Variants in MRPS5 observed in about 807,000 individuals in gnomAD.
MRPS5 encodes small ribosomal subunit protein uS5m.
MRPS5 carries 27 observed loss-of-function variants against 51.9 expected under a neutral mutation model. That is an observed-to-expected ratio of 0.52 (90% CI 0.38 to 0.72). MRPS5 has a LOEUF of 0.72. Ranked by LOEUF, MRPS5 falls within the 30% of genes least tolerant of loss-of-function variation. MRPS5 has a pLI of 0.00. For missense variants in MRPS5, 570 were observed against 545.7 expected (o/e 1.04, Z -0.44); for synonymous variants, 196 against 193.2 (o/e 1.01, Z -0.12).
intron 10 of MRPS5, among the ~76,000 whole-genome samples, chr2:95,098,190 A>G (rs1348163101): frequency 6.6e-6 from 1 of 152,218 alleles, no homozygotes; most frequent in Non-Finnish European, 1.5e-5. Context: ...TCAGGAAACA[A>G]CAGGTGCTGG....
At chr2:95,088,566 C>G (rs776052060) in intron 11 of MRPS5, among the ~76,000 whole-genome samples, 64 of 152,296 alleles carry the variant, frequency 4.2e-4, no homozygotes, top group African/African-American at 1.3e-3. Flanking sequence ...AATTAGAAAA[C>G]AGATGAGCCA....
chr2:95,108,691 T>C (rs1676025959), intron 4 of MRPS5, among the ~76,000 whole-genome samples: 1 of 152,188 alleles, frequency 6.6e-6, no homozygotes, highest in Admixed American at 6.5e-5. Context: ...CTAATACAAA[T>C]GTCCAGCAAT....
Position 95,106,045 on chromosome 2 carries a change from C to T in MRPS5, c.672+378G>A, listed in dbSNP as rs373710679. Among the ~76,000 whole-genome samples, 15 of 152,302 alleles carry T rather than the reference C, an allele frequency of 9.8e-5. No individual in the cohort carries two copies. In the East Asian group the frequency reaches 2.9e-3, roughly 29 times the overall value. On this transcript the variant is annotated intron_variant, in intron 6 of 11. Transcript: ENST00000272418. ...GGCACCACAACTCTTAAGCTTTCTA[C>T]CCTGCCCAGGGCTCCCTGCAATCCC...
intron 2 of MRPS5, among the ~76,000 whole-genome samples, chr2:95,115,711 G>A (rs1676267083): frequency 6.6e-6 from 1 of 152,160 alleles, no homozygotes; most frequent in Admixed American, 6.6e-5. Context: ...TTGCCTCTGG[G>A]AGATGAGTTA....
At chr2:95,107,040 G>A (rs184532225) in intron 5 of MRPS5, among the ~76,000 whole-genome samples, 82 of 152,252 alleles carry the variant, frequency 5.4e-4, no homozygotes, top group Non-Finnish European at 9.9e-4. Context: ...CACCACTGCA[G>A]CCATTTCAAA....
chr2:95,094,776 A>T (rs1675572305), intron 10 of MRPS5, among the ~76,000 whole-genome samples: 1 of 152,238 alleles, frequency 6.6e-6, no homozygotes, highest in Non-Finnish European at 1.5e-5. Context: ...CTGCAAAAAC[A>T]TGCCAAATTG....
At chr2:95,101,949 T>G in intron 7 of MRPS5, 1 of 483,830 alleles carries the variant, frequency 2.1e-6, no homozygotes, top group Non-Finnish European at 3.7e-6. Context: ...AGCCCAGGAG[T>G]TTGAGACCAG....
rs531744620 is a variant in MRPS5 at position 95,087,103 on chromosome 2, A to T, written c.*254T>A. 2 of 409,270 alleles carry T rather than the reference A, an allele frequency of 4.9e-6. No individual in the cohort carries two copies. Among genetic ancestry groups the T allele is most frequent in the East Asian group, 8.0e-5 (2 of 25,136 alleles). 25.4% of individuals were successfully genotyped at this position (409,270 alleles called of 1,614,324 possible). On this transcript the variant is annotated 3_prime_UTR_variant, in exon 12 of 12. Transcript: ENST00000272418. ...TCAAATTATTAACCCCGTCTCCCTA[A>T]TTCATTTACTTTTGTTACTTTGGAT... is the stretch of plus-strand genomic sequence containing the variant.
At chr2:95,121,815 G>A (rs1052818588), upstream of MRPS5, 15 of 1,528,224 alleles carry the variant, frequency 9.8e-6, no homozygotes, top group Middle Eastern at 1.7e-4. Flanking sequence ...CCGCGCCTCG[G>A]CCTCCGCCCA....
At chr2:95,099,383 G>GT (rs368636448) in intron 10 of MRPS5, among the ~76,000 whole-genome samples, 5 of 152,004 alleles carry the variant, frequency 3.3e-5, no homozygotes, top group Non-Finnish European at 5.9e-5. Flanking sequence ...ATTTTGAAAA[G>GT]TTTTTTTTAA....
Position 95,117,921 on chromosome 2 carries a change from G to A in MRPS5, c.83C>T (p.Ser28Phe), listed in dbSNP as rs148958562. The A allele has an allele frequency of 1.8e-4, 293 of 1,605,252 alleles. 1 individual carries two copies. The highest frequency in any genetic ancestry group is 2.3e-4 in the Non-Finnish European group (270 of 1,177,996). The change falls in exon 2 of 12, where the codon TCC (serine) becomes TTC (phenylalanine). Residue 28 changes from serine (S) to phenylalanine (F), a missense_variant. Physicochemically the swap from Ser to Phe is radical, Grantham distance 155. Coordinates refer to ENST00000272418, the MANE Select transcript of MRPS5 (RefSeq NM_031902.5). The part of the protein sequence containing the change: ...TAGHLLGRQC[S>F]LNTLPAASIL... ...GGAAGCTGCTGGTAAGGTGTTTAGG[G>A]AACACTGCCTCCCCAATAAATGACC...
At chr2:95,099,135 G>A (rs542477419) in intron 10 of MRPS5, among the ~76,000 whole-genome samples, 1 of 151,396 alleles carries the variant, frequency 6.6e-6, no homozygotes, top group South Asian at 2.1e-4. Flanking sequence ...AGCCAAGATG[G>A]TCTCAATCTC....
chr2:95,098,292 G>A (rs1675687838), intron 10 of MRPS5, among the ~76,000 whole-genome samples: 2 of 152,152 alleles, frequency 1.3e-5, no homozygotes, highest in South Asian at 4.1e-4. Flanking sequence ...CGATTCCTCA[G>A]GGATCTAGAA....
intron 6 of MRPS5, 46 bp downstream of exon 6, chr2:95,106,377 C>T: frequency 7.1e-7 from 1 of 1,413,694 alleles, no homozygotes; most frequent in Non-Finnish European, 1.0e-6. Context: ...CCACCCACCC[C>T]AACCTCTCCA....
At chr2:95,120,428 T>C (rs1676407318) in intron 1 of MRPS5, among the ~76,000 whole-genome samples, 1 of 152,202 alleles carries the variant, frequency 6.6e-6, no homozygotes, top group South Asian at 2.1e-4. Context: ...ACATCAGTGG[T>C]TGTGCTGGAG....
At chr2:95,106,375 C>CCCCAA in intron 6 of MRPS5, 48 bp downstream of exon 6, 1 of 1,377,860 alleles carries the variant, frequency 7.3e-7, no homozygotes, top group Non-Finnish European at 1.0e-6. Context: ...CCCCACCCAC[C>CCCCAA]CCAACCTCTC....
At chr2:95,094,103 A>G (rs1281073303) in intron 10 of MRPS5, among the ~76,000 whole-genome samples, 1 of 152,236 alleles carries the variant, frequency 6.6e-6, no homozygotes, top group Non-Finnish European at 1.5e-5. Flanking sequence ...AAGCTTCAGT[A>G]GCCAATTCAA....
chr2:95,100,739 G>C, intron 9 of MRPS5, 98 bp downstream of exon 9: 1 of 1,000,260 alleles, frequency 1.0e-6, no homozygotes, highest in African/African-American at 1.7e-5. Context: ...AATGTAATAA[G>C]AGAGAAACAC....
intron 10 of MRPS5, among the ~76,000 whole-genome samples, chr2:95,094,307 T>A (rs1163837637): frequency 6.6e-6 from 1 of 152,130 alleles, no homozygotes; most frequent in East Asian, 1.9e-4. Context: ...TCGAAAACAC[T>A]CTTCAGGATA....
Sources: gnomAD v4.1 joint callset for allele counts (sites outside exome capture counted in the v4.1 genomes callset) on GRCh38, gnomAD v4.1.1 for gene constraint, MANE v1.5 for transcripts, NCBI Gene and HGNC (gene_info 2026-07-23, HGNC 2026-07-21) for gene names.